Variants in CFAP20DC observed in about 807,000 individuals in gnomAD.
The protein encoded by CFAP20DC is CFAP20 domain containing.
CFAP20DC carries 84 observed loss-of-function variants against 101.7 expected under a neutral mutation model. That is an observed-to-expected ratio of 0.83 (90% CI 0.69 to 0.99). The LOEUF is 0.99. Among genes scored for constraint, CFAP20DC ranks in the 50% least tolerant of loss-of-function variants. The pLI is 0.00. For missense variants in CFAP20DC, 1,007 were observed against 970.3 expected, an observed-to-expected ratio of 1.04 and a Z score of -0.50; for synonymous variants, 359 against 351.2, an observed-to-expected ratio of 1.02 and a Z score of -0.25.
chr3:58,947,198 ATTTAC>A lies in CFAP20DC; in HGVS notation c.279-9441_279-9437del, dbSNP rs1250543680. On this transcript the variant is annotated intron_variant, in intron 4 of 16. Transcript: ENST00000482387. ...GAAAGAGAGCAGCAGGCCTGCAACCATTTACTTTACTTTACTAAAGGGCATTCCAG... is the reference window on the plus strand; with the variant it reads ...GAAAGAGAGCAGCAGGCCTGCAACCATTTACTTTACTAAAGGGCATTCCAG... Among the ~76,000 whole-genome samples the A allele has an allele frequency of 5.3e-5, 8 of 152,320 alleles. No homozygotes were observed. The East Asian group carries it at 1.2e-3, about 22-fold the overall frequency.
At position 58,996,698 on chromosome 3, in the gene CFAP20DC, C is replaced by T. The variant is rs560459740; in HGVS notation, c.278+42859G>A. Among the ~76,000 whole-genome samples, 3 of 152,308 alleles carry T rather than the reference C, an allele frequency of 2.0e-5. No individual in the cohort carries two copies. In the East Asian group the frequency reaches 5.8e-4, roughly 29 times the overall value. Reference sequence around the variant, plus strand: ...GAGCTGGAACGTAAATTAAATTTATCAATAAGCAAACATTTTTTTCCTAGC... The same window carrying T: ...GAGCTGGAACGTAAATTAAATTTATTAATAAGCAAACATTTTTTTCCTAGC... On this transcript the variant is annotated intron_variant, in intron 4 of 16. Coordinates refer to ENST00000482387, the MANE Select transcript of CFAP20DC (RefSeq NM_001394063.1).
chr3:59,026,177 TTAAA>T, intron 4 of CFAP20DC, among the ~76,000 whole-genome samples: 1 of 152,168 alleles, frequency 6.6e-6, no homozygotes, highest in East Asian at 1.9e-4. Flanking sequence ...ATAATGAGGT[TTAAA>T]TACTGATTTT....
At chr3:58,893,296 G>C (rs1298929370) in intron 6 of CFAP20DC, among the ~76,000 whole-genome samples, 1 of 152,104 alleles carries the variant, frequency 6.6e-6, no homozygotes, top group African/African-American at 2.4e-5. Context: ...TGCCTGTCTT[G>C]GCCTCCCAAA....
rs1047106446 is a variant in CFAP20DC at position 59,015,134 on chromosome 3, G to A, written c.278+24423C>T. ...GTTGAGTTCTTGCTGAACAGGTGCGGGAGGAGGCAGGCTTGGACCCTGAAT... is the reference window on the plus strand; with the variant it reads ...GTTGAGTTCTTGCTGAACAGGTGCGAGAGGAGGCAGGCTTGGACCCTGAAT... On this transcript the variant is annotated intron_variant, in intron 4 of 16. Transcript: ENST00000482387. This position sits in a 1 kb window ranked among gnomAD's most constrained non-coding sequence, Gnocchi z 5.4. Among the ~76,000 whole-genome samples the A allele has an allele frequency of 6.6e-6, 1 of 152,212 alleles. No individual in the cohort carries two copies. The highest frequency in any genetic ancestry group is 6.5e-5 in the Admixed American group (1 of 15,278).
Position 58,884,584 on chromosome 3 carries a change from T to C in CFAP20DC, c.676A>G (p.Ile226Val), listed in dbSNP as rs1222439818. The C allele has an allele frequency of 1.2e-5, 19 of 1,613,918 alleles. No homozygotes were observed. Among genetic ancestry groups the C allele is most frequent in the Non-Finnish European group, 1.4e-5 (17 of 1,179,918 alleles). ...LNMTKLRQTE[I>V]KFGGHPLRSA... ...CTTAGAGGATGGCCTCCGAATTTTA[T>C]TTCAGTTTGGCGAAGTTTAGTCATG... The change falls in exon 7 of 17, where the codon ATA becomes GTA. Residue 226 changes from isoleucine (I) to valine (V), a missense_variant. Coordinates refer to ENST00000482387, the MANE Select transcript of CFAP20DC (RefSeq NM_001394063.1).
intron 5 of CFAP20DC, among the ~76,000 whole-genome samples, chr3:58,935,881 A>G (rs1328468460): frequency 6.6e-6 from 1 of 152,188 alleles, no homozygotes; most frequent in Non-Finnish European, 1.5e-5. Flanking sequence ...TTCATGTCTG[A>G]AACACCAAAA....
downstream of CFAP20DC, among the ~76,000 whole-genome samples, chr3:58,739,413 T>C (rs1445566005): frequency 6.8e-6 from 1 of 146,646 alleles, no homozygotes; most frequent in East Asian, 1.9e-4. Flanking sequence ...AATCAATCTA[T>C]TTTTTTTAGT....
intron 15 of CFAP20DC, among the ~76,000 whole-genome samples, chr3:58,800,258 T>C (rs1006451393): frequency 2.6e-5 from 4 of 152,010 alleles, no homozygotes; most frequent in African/African-American, 9.7e-5. Context: ...GGTTTGGAGG[T>C]TTACAGTATT....
chr3:58,809,037 C>G (rs1199570268), intron 14 of CFAP20DC, among the ~76,000 whole-genome samples: 1 of 151,896 alleles, frequency 6.6e-6, no homozygotes, highest in Non-Finnish European at 1.5e-5. Flanking sequence ...TATATGCACC[C>G]AATACAGGAG....
intron 14 of CFAP20DC, among the ~76,000 whole-genome samples, 191 bp from the exon 15 acceptor site, chr3:58,806,647 G>A (rs1460149544): frequency 1.3e-5 from 2 of 152,224 alleles, no homozygotes; most frequent in Non-Finnish European, 2.9e-5. Context: ...CGATGCAGAA[G>A]ACGGGTGATT....
Position 58,788,938 on chromosome 3 carries a change from A to G in CFAP20DC, c.2237+17457T>C, listed in dbSNP as rs1431423439. Among the ~76,000 whole-genome samples, 2 of 152,140 alleles carry G rather than the reference A, an allele frequency of 1.3e-5. No homozygotes were observed. The highest frequency in any genetic ancestry group is 2.9e-5 in the Non-Finnish European group (2 of 68,004). On this transcript the variant is annotated intron_variant, in intron 15 of 16. Coordinates refer to ENST00000482387, the MANE Select transcript of CFAP20DC (RefSeq NM_001394063.1). The surrounding 1 kb of genome is among the most constrained non-coding windows in gnomAD (Gnocchi z 4.2). ...CATGCAGAACCCACATATATGAAAAATGGGTTGGAAAAAATCTGTGTCATA... is the reference window on the plus strand; with the variant it reads ...CATGCAGAACCCACATATATGAAAAGTGGGTTGGAAAAAATCTGTGTCATA...
At chr3:58,898,321 C>T (rs960094926) in intron 6 of CFAP20DC, among the ~76,000 whole-genome samples, 13 of 152,092 alleles carry the variant, frequency 8.5e-5, no homozygotes, top group Middle Eastern at 3.4e-3. Context: ...ACTACGTAAG[C>T]GCATCAGCAT....
At chr3:58,908,095 C>A (rs1248312936) in intron 6 of CFAP20DC, among the ~76,000 whole-genome samples, 1 of 152,144 alleles carries the variant, frequency 6.6e-6, no homozygotes, top group Non-Finnish European at 1.5e-5. Flanking sequence ...AGTGGTACTA[C>A]AAAATTATAA....
chr3:58,837,128 G>A (rs1166050441), intron 13 of CFAP20DC, among the ~76,000 whole-genome samples: 8 of 152,126 alleles, frequency 5.3e-5, no homozygotes, highest in Admixed American at 3.9e-4. Context: ...CAGTAATACC[G>A]TTCCAAAGCA....
intron 4 of CFAP20DC, among the ~76,000 whole-genome samples, chr3:59,030,013 AG>A (rs2093960270): frequency 6.6e-6 from 1 of 152,202 alleles, no homozygotes; most frequent in African/African-American, 2.4e-5. Flanking sequence ...AGACATAGAA[AG>A]ATGCTGAGGA....
chr3:58,814,781 C>G (rs1295496423), intron 14 of CFAP20DC, among the ~76,000 whole-genome samples: 1 of 150,976 alleles, frequency 6.6e-6, no homozygotes, highest in Admixed American at 6.6e-5. Flanking sequence ...AAGAAAATAC[C>G]TAGGAATCCA....
intron 6 of CFAP20DC, among the ~76,000 whole-genome samples, chr3:58,911,459 G>T (rs547430443): frequency 2.0e-5 from 3 of 152,090 alleles, no homozygotes; most frequent in Admixed American, 6.6e-5. Flanking sequence ...AGGAAGTGAT[G>T]ATTGGGAGGA....
intron 14 of CFAP20DC, among the ~76,000 whole-genome samples, chr3:58,826,448 C>G: frequency 6.6e-6 from 1 of 152,076 alleles, no homozygotes; most frequent in South Asian, 2.1e-4. Flanking sequence ...CTATCTATCC[C>G]TCCCCTAGCC....
Position 58,811,624 on chromosome 3 carries a change from C to T in CFAP20DC, c.2176-5168G>A, listed in dbSNP as rs538072112. 4.7e-3 allele frequency among the ~76,000 whole-genome samples: 710 copies of T among 152,202 alleles called. 5 individuals carry two copies. The highest frequency in any genetic ancestry group is 0.017 in the African/African-American group (693 of 41,544). On this transcript the variant is annotated intron_variant, in intron 14 of 16. Coordinates refer to ENST00000482387, the MANE Select transcript of CFAP20DC (RefSeq NM_001394063.1). Reference sequence around the variant, plus strand: ...ACCCTAGAAGAAAACCTAGGCATTACCATTCAGGACATAGGCATGGGCAAG... The same window carrying T: ...ACCCTAGAAGAAAACCTAGGCATTATCATTCAGGACATAGGCATGGGCAAG...
Sources: allele counts gnomAD v4.1 joint callset (sites outside exome capture counted in the v4.1 genomes callset), GRCh38; gene constraint gnomAD v4.1.1; non-coding constraint Gnocchi (gnomAD v3.1); transcripts MANE v1.5; gene names NCBI Gene and HGNC (gene_info 2026-07-23, HGNC 2026-07-21).